The following CEP192 variants were observed in gnomAD, a reference collection of about 807,000 sequenced individuals.
The protein encoded by CEP192 is centrosomal protein of 192 kDa.
A neutral mutation model predicts 271.8 loss-of-function variants in CEP192; 151 were observed. The ratio of observed to expected loss-of-function variants is 0.56; its 90% CI spans 0.49 to 0.64. CEP192 has a LOEUF of 0.64. Among genes scored for constraint, CEP192 ranks in the 30% least tolerant of loss-of-function variants. The pLI, the probability that CEP192 is intolerant of heterozygous loss-of-function variation, is 0.00. For missense variants in CEP192, 2,910 were observed against 3,020.5 expected, an observed-to-expected ratio of 0.96 and a Z score of 0.86; for synonymous variants, 995 against 1,076.5, an observed-to-expected ratio of 0.92 and a Z score of 1.48.
intron 39 of CEP192, chr18:13,103,795 A>G (rs924188859): frequency 3.8e-5 from 24 of 623,436 alleles, no homozygotes; most frequent in South Asian, 9.2e-5. Context: ...GGCTCAAGCA[A>G]TCCCCTGCCT....
chr18:13,039,426 A>G (rs1244337409), intron 13 of CEP192, among the ~76,000 whole-genome samples: 1 of 150,806 alleles, frequency 6.6e-6, no homozygotes, highest in Non-Finnish European at 1.5e-5. Context: ...ACTGCACTCC[A>G]GCCTGGGCAA....
intron 9 of CEP192, among the ~76,000 whole-genome samples, chr18:13,023,800 A>G (rs1256009330): frequency 2.0e-5 from 3 of 152,148 alleles, no homozygotes; most frequent in Non-Finnish European, 4.4e-5. Flanking sequence ...GAGAATTAGT[A>G]TAATGTTTTC....
chr18:13,079,402 T>C (rs963346886), intron 30 of CEP192, among the ~76,000 whole-genome samples: 1 of 152,262 alleles, frequency 6.6e-6, no homozygotes. Flanking sequence ...ATGAGCATTT[T>C]TTTCATGTGT....
In CEP192 at chr18:13,069,805, A is replaced by G. The variant is rs2037914539; in HGVS notation, c.5123A>G (p.His1708Arg). The change falls in exon 27 of 45, where the codon CAT becomes CGT. Residue 1708 changes from histidine to arginine, a missense_variant. Physicochemically the swap from His to Arg is conservative, Grantham distance 29 (BLOSUM62 0). Coordinates refer to ENST00000506447, the MANE Select transcript of CEP192 (RefSeq NM_032142.4). ...KNLLLKPGEE[H>R]EVIVSFTPKD... ...CTACTCCTTAAACCTGGAGAAGAACATGAGGTTATTGTTTCATTTACTCCA... is the reference window on the plus strand; with the variant it reads ...CTACTCCTTAAACCTGGAGAAGAACGTGAGGTTATTGTTTCATTTACTCCA... 1 of 1,606,440 alleles carries G rather than the reference A, an allele frequency of 6.2e-7. No homozygotes were observed. Among genetic ancestry groups the G allele is most frequent in the African/African-American group, 1.3e-5 (1 of 74,600 alleles).
At chr18:13,093,387 A>G (rs781185277) in intron 34 of CEP192, among the ~76,000 whole-genome samples, 4 of 152,202 alleles carry the variant, frequency 2.6e-5, no homozygotes, top group Admixed American at 6.5e-5. Context: ...CTAACATCAC[A>G]TGATGCATTT....
chr18:13,081,067 G>A (rs1013834597), intron 30 of CEP192, among the ~76,000 whole-genome samples: 5 of 152,118 alleles, frequency 3.3e-5, no homozygotes, highest in African/African-American at 1.2e-4. Context: ...TTTTCCCATC[G>A]ATGTTCATCA....
chr18:13,057,747 T>C lies in CEP192; in HGVS notation c.4257+14T>C, dbSNP rs371853344. The C allele has an allele frequency of 6.2e-7, 1 of 1,610,812 alleles. No homozygotes were observed. Among genetic ancestry groups the C allele is most frequent in the African/African-American group, 1.3e-5 (1 of 74,954 alleles). ...AATGGTGAAAAGGTAGCTTTCTATG[T>C]CTTTCTCATTTAACCTAACAGTTGC... On this transcript the variant is annotated intron_variant, in intron 20 of 44. Transcript: ENST00000506447.
At chr18:13,048,830 T>C (rs2036616851) in intron 15 of CEP192, 29 bp from the exon 16 acceptor site, 1 of 1,444,926 alleles carries the variant, frequency 6.9e-7, no homozygotes. Context: ...GGGGTAAATT[T>C]ATCTGATGTT....
chr18:13,115,311 C>A (rs1336258026), intron 42 of CEP192, among the ~76,000 whole-genome samples: 1 of 152,160 alleles, frequency 6.6e-6, no homozygotes, highest in African/African-American at 2.4e-5. Context: ...GCAGCTTGGT[C>A]TGTGAAACCT....
chr18:13,098,888 C>T (rs1226201552), intron 36 of CEP192, among the ~76,000 whole-genome samples: 3 of 152,158 alleles, frequency 2.0e-5, no homozygotes, highest in Non-Finnish European at 4.4e-5. Flanking sequence ...AGCCTGGGCA[C>T]CATTGAGCAC....
intron 33 of CEP192, among the ~76,000 whole-genome samples, chr18:13,091,939 G>T (rs1389052073): frequency 1.3e-5 from 2 of 152,078 alleles, no homozygotes; most frequent in Non-Finnish European, 2.9e-5. Flanking sequence ...CTATCTCAAA[G>T]AATTGTTTTG....
intron 15 of CEP192, among the ~76,000 whole-genome samples, chr18:13,045,986 TGACA>T (rs1269595259): frequency 1.3e-5 from 2 of 152,224 alleles, no homozygotes; most frequent in African/African-American, 4.8e-5. Flanking sequence ...TCAACCAGTC[TGACA>T]GTCTGTATTA....
At chr18:13,064,553 A>G (rs755404390) in intron 21 of CEP192, among the ~76,000 whole-genome samples, 1 of 149,560 alleles carries the variant, frequency 6.7e-6, no homozygotes, top group Non-Finnish European at 1.5e-5. Flanking sequence ...CGGAGCTTGC[A>G]GTGAGCCGAG....
At chr18:13,004,053 CTA>C (rs1170281788) in intron 3 of CEP192, among the ~76,000 whole-genome samples, 1 of 152,304 alleles carries the variant, frequency 6.6e-6, no homozygotes, top group Middle Eastern at 3.4e-3. Context: ...AGTTACCTAA[CTA>C]TGTCAAATAA....
chr18:13,073,278 A>G, intron 30 of CEP192, 93 bp downstream of exon 30: 3 of 1,113,294 alleles, frequency 2.7e-6, no homozygotes, highest in African/African-American at 1.6e-5. Context: ...TCTGCCTTTT[A>G]TAAGTGAAAC....
intron 21 of CEP192, among the ~76,000 whole-genome samples, chr18:13,062,926 T>C (rs2037487508): frequency 6.6e-6 from 1 of 152,180 alleles, no homozygotes; most frequent in African/African-American, 2.4e-5. Flanking sequence ...TCTCTATGTC[T>C]GTAAGTTCAA....
intron 33 of CEP192, 137 bp downstream of exon 33, chr18:13,089,702 G>A (rs1454480878): frequency 1.9e-6 from 1 of 533,186 alleles, no homozygotes; most frequent in East Asian, 3.1e-5. Flanking sequence ...CAGCCCTGCT[G>A]TATGAGTTTG....
chr18:13,081,260 C>T (rs899090608), intron 30 of CEP192, among the ~76,000 whole-genome samples: 2 of 152,098 alleles, frequency 1.3e-5, no homozygotes, highest in Admixed American at 6.5e-5. Context: ...GCTGTGAATC[C>T]GTCTGGTCCT....
intron 12 of CEP192, 55 bp downstream of exon 12, chr18:13,037,356 G>A (rs942446868): frequency 1.4e-6 from 1 of 715,284 alleles, no homozygotes; most frequent in African/African-American, 1.8e-5. Flanking sequence ...ATTAGTGTAA[G>A]TGTAGGCACA....
Sources: gnomAD v4.1 joint callset for allele counts (sites outside exome capture counted in the v4.1 genomes callset) on GRCh38, gnomAD v4.1.1 for gene constraint, MANE v1.5 for transcripts, NCBI Gene and HGNC (gene_info 2026-07-23, HGNC 2026-07-21) for gene names.